The following CAPN15 variants were observed in gnomAD, a reference collection of about 807,000 sequenced individuals.
CAPN15 encodes calpain-15.
CAPN15 carries 53 observed loss-of-function variants against 97.9 expected under a neutral mutation model. The ratio of observed to expected loss-of-function variants is 0.54; its 90% CI spans 0.43 to 0.68. The LOEUF is 0.68. Ranked by LOEUF, CAPN15 falls within the 30% of genes least tolerant of loss-of-function variation. The pLI, the probability that CAPN15 is intolerant of heterozygous loss-of-function variation, is 0.00. For synonymous variants in CAPN15, 922 were observed against 722.5 expected, an observed-to-expected ratio of 1.28 and a Z score of -4.43; for missense variants, 1,592 against 1,589.8, an observed-to-expected ratio of 1.00 and a Z score of -0.02.
Position 547,874 on chromosome 16 carries a change from T to C in CAPN15, c.1036T>C (p.Cys346Arg), listed in dbSNP as rs1370056393. ...PSSPDFTTWS[C>R]AKCTLRNPTV... is the part of the protein sequence containing the mutation. Reference sequence around the variant, plus strand: ...CAGCCCCGACTTCACCACCTGGTCATGTGCCAAGTGCACGCTCAGAAACCC... The same window carrying C: ...CAGCCCCGACTTCACCACCTGGTCACGTGCCAAGTGCACGCTCAGAAACCC... The change falls in exon 4 of 14, where the codon TGT (cysteine) becomes CGT (arginine). Residue 346 changes from cysteine to arginine, a missense_variant. Cys to Arg is a radical substitution (Grantham distance 180, BLOSUM62 -3). This residue lies in a region of CAPN15 where 883 missense variants were observed against 776.6 expected (regional missense o/e 1.14). Coordinates refer to ENST00000219611, the MANE Select transcript of CAPN15 (RefSeq NM_005632.3). 8.1e-6 allele frequency: 13 copies of C among 1,611,430 alleles called. No individual in the cohort carries two copies. The highest frequency in any genetic ancestry group is 2.2e-5 in the East Asian group (1 of 44,804).
Position 549,721 on chromosome 16 carries a change from C to T in CAPN15, c.1949C>T (p.Thr650Met), listed in dbSNP as rs1234051038. ...GGCCGCGCCATCGAAGGCCTGGCCA[C>T]GCTCACCGGCGCCCCCTGTGAGAGC... The part of the protein sequence containing the change: ...QAGRAIEGLA[T>M]LTGAPCESLA... Residue 650 changes from threonine (T) to methionine (M), a missense_variant, in exon 7 of 14, where the codon ACG becomes ATG. Thr to Met is a moderately conservative substitution (Grantham distance 81). Coordinates refer to ENST00000219611, the MANE Select transcript of CAPN15 (RefSeq NM_005632.3). The T allele has an allele frequency of 4.4e-6, 7 of 1,575,300 alleles. No homozygotes were observed. Among genetic ancestry groups the T allele is most frequent in the Middle Eastern group, 1.7e-4 (1 of 5,952 alleles).
In CAPN15 at chr16:547,794, G is replaced by A. The variant is rs1327121096; in HGVS notation, c.956G>A (p.Ser319Asn). 6.2e-7 allele frequency: 1 copy of A among 1,611,866 alleles called. No individual in the cohort carries two copies. Among genetic ancestry groups the A allele is most frequent in the South Asian group, 1.1e-5 (1 of 91,004 alleles). The change falls in exon 4 of 14, where the codon AGT (serine) becomes AAT (asparagine). Residue 319 changes from serine to asparagine, a missense_variant. Physicochemically the swap from Ser to Asn is conservative, Grantham distance 46. This residue lies in a region of CAPN15 where 883 missense variants were observed against 776.6 expected (regional missense o/e 1.14). Coordinates refer to ENST00000219611, the MANE Select transcript of CAPN15 (RefSeq NM_005632.3). ...GAGGCCGGCAGCTCCACCTCGGGCA[G>A]TGACATCATTGACCTGGCCGGAGAC... is the stretch of plus-strand genomic sequence containing the variant. ...RVEAGSSTSG[S>N]DIIDLAGDTV...
At chr16:550,667 G>GGTCGGTGAGGGCCCCCA (rs1487873941) in intron 7 of CAPN15, among the ~76,000 whole-genome samples, 1 of 137,646 alleles carries the variant, frequency 7.3e-6, no homozygotes, top group African/African-American at 2.9e-5. Flanking sequence ...GAGGGTCCCC[G>GGTCGGTGAGGGCCCCCA]GTCGGTGAGG....
chr16:549,515 C>T (rs1263556796), intron 6 of CAPN15, 44 bp downstream of exon 6: 1 of 1,537,942 alleles, frequency 6.5e-7, no homozygotes, highest in African/African-American at 1.4e-5. Context: ...GGGGCAGCCT[C>T]TGACCCCAGC....
In CAPN15 at chr16:536,125, C is replaced by G; in HGVS notation, c.-40C>G. 1 of 980,360 alleles carries G rather than the reference C, an allele frequency of 1.0e-6. No homozygotes were observed. The highest frequency in any genetic ancestry group is 1.8e-5 in the African/African-American group (1 of 56,964). The allele number at this position is 980,360 out of a possible 1,614,324, so 60.7% of individuals were successfully genotyped here. ...CGTGTGCCCAGGCCCTGAGGTGGGC[C>G]GGACCTGGGAGTGGCAGGTGAGCGT... is the stretch of plus-strand genomic sequence containing the variant. On this transcript the variant is annotated 5_prime_UTR_variant, in exon 3 of 14. Coordinates refer to ENST00000219611, the MANE Select transcript of CAPN15 (RefSeq NM_005632.3).
rs772967337 is a variant in CAPN15 at position 547,759 on chromosome 16, C to A, written c.921C>A (p.Thr307=). ...AGGAAGAGGCCACGGAGGGTGGCAC[C>A]AGCCGCGTAGAGGCCGGCAGCTCCA... The part of the protein sequence containing the change: ...VLEEEATEGG[T]SRVEAGSSTS... The change falls in exon 4 of 14, where the codon ACC becomes ACA. Residue 307 remains threonine (T), a synonymous_variant. Transcript: ENST00000219611. 1.9e-6 allele frequency: 3 copies of A among 1,609,162 alleles called. No homozygotes were observed. In the South Asian group the frequency reaches 3.3e-5, roughly 18 times the overall value.
rs765939263 is a variant in CAPN15, at chr16:552,520, T to C, written c.2727T>C (p.Pro909=). 4.4e-6 allele frequency: 7 copies of C among 1,601,568 alleles called. No individual in the cohort carries two copies. Among genetic ancestry groups the C allele is most frequent in the Non-Finnish European group, 5.9e-6 (7 of 1,177,860 alleles). ...NHWGPPLPGT[P]APQASSPSAG... is the part of the protein sequence containing the mutation. The stretch of plus-strand genomic sequence containing the variant: ...GGGGGCCGCCCCTGCCGGGCACCCC[T>C]GCCCCCCAGGGTACGTGGCCCCTAC... Residue 909 remains proline (P), a synonymous_variant, in exon 11 of 14, where the codon CCT becomes CCC. Transcript: ENST00000219611. This position sits in a 1 kb window ranked among gnomAD's most constrained non-coding sequence, Gnocchi z 6.4.
At position 554,193 on chromosome 16, in the gene CAPN15, A is replaced by G. The variant is rs1417836564; in HGVS notation, c.*677A>G. ...TCAGCACCGCTCACTGCTGCCGGGC[A>G]CACTGGGACCAGCAGGCTCCTCAGC... On this transcript the variant is annotated 3_prime_UTR_variant, in exon 14 of 14. Transcript: ENST00000219611. The G allele has an allele frequency of 1.0e-5, 3 of 297,392 alleles. No individual in the cohort carries two copies. Among genetic ancestry groups the G allele is most frequent in the Non-Finnish European group, 2.0e-5 (3 of 150,798 alleles). The allele number at this position is 297,392 out of a possible 1,614,324, so 18.4% of individuals were successfully genotyped here. A position where few individuals can be genotyped will look rare whatever the true frequency, so the allele number is the denominator to read the frequency against.
In CAPN15 at chr16:540,360, C is replaced by T. The variant is rs939283733; in HGVS notation, c.-23+4218C>T. ...GCCGGCAGCACCAGCCCCCACGGCC[C>T]CGGGCCCGAAGGTAAGAGGTGGGGA... On this transcript the variant is annotated intron_variant, in intron 3 of 13. Transcript: ENST00000219611. 4 of 985,406 alleles carry T rather than the reference C, an allele frequency of 4.1e-6. No homozygotes were observed. The African/African-American group carries it at 7.0e-5, about 17-fold the overall frequency. The allele number at this position is 985,406 out of a possible 1,614,324, so 61.0% of individuals were successfully genotyped here.
chr16:533,385 A>T (rs1052197849), intron 1 of CAPN15, among the ~76,000 whole-genome samples: 2 of 152,136 alleles, frequency 1.3e-5, no homozygotes, highest in Non-Finnish European at 2.9e-5. Flanking sequence ...TAGAGAAGCA[A>T]AGCCGCCTGG....
Position 552,922 on chromosome 16 carries a change from G to A in CAPN15, c.2964G>A (p.Val988=), listed in dbSNP as rs745656526. ...ACGGTTGGGCGGGGCTCATCGTGGT[G>A]GTGGAGAACCGACACCCCAAGGCCT... ...LTHGWAGLIV[V]VENRHPKAYL... is the part of the protein sequence containing the mutation. Residue 988 remains valine, a synonymous_variant, in exon 13 of 14, where the codon GTG becomes GTA. Coordinates refer to ENST00000219611, the MANE Select transcript of CAPN15 (RefSeq NM_005632.3). The surrounding 1 kb of genome is among the most constrained non-coding windows in gnomAD (Gnocchi z 6.4). 34 of 1,611,744 alleles carry A rather than the reference G, an allele frequency of 2.1e-5. No homozygotes were observed. Among genetic ancestry groups the A allele is most frequent in the Non-Finnish European group, 2.7e-5 (32 of 1,179,436 alleles).
chr16:545,121 T>C (rs2034496864), intron 3 of CAPN15, among the ~76,000 whole-genome samples: 1 of 151,940 alleles, frequency 6.6e-6, no homozygotes, highest in Non-Finnish European at 1.5e-5. Context: ...AGGTCAAGGC[T>C]GCAGTGAGCC....
intron 3 of CAPN15, chr16:538,066 G>C (rs774396261): frequency 6.6e-6 from 1 of 152,230 alleles, no homozygotes; most frequent in Non-Finnish European, 1.5e-5. Flanking sequence ...TGTTTTGTCT[G>C]TTCCTTTCCA....
intron 3 of CAPN15, among the ~76,000 whole-genome samples, chr16:540,666 G>C (rs1596332558): frequency 6.6e-6 from 1 of 152,196 alleles, no homozygotes; most frequent in Non-Finnish European, 1.5e-5. Context: ...TTTTGGGCTG[G>C]GGTCGCTGGC....
At chr16:553,080 GC>G (rs2035222717) in intron 13 of CAPN15, 39 bp downstream of exon 13, 3 of 1,163,504 alleles carry the variant, frequency 2.6e-6, no homozygotes, top group East Asian at 5.9e-5. Context: ...CTGCACAGGT[GC>G]CCCCTCCCCT....
intron 3 of CAPN15, chr16:538,869 A>T: frequency 7.5e-6 from 1 of 134,118 alleles, no homozygotes; most frequent in African/African-American, 2.9e-5. Flanking sequence ...CTGGAACTGC[A>T]CCCCCACCCC....
At position 552,132 on chromosome 16, in the gene CAPN15, C is replaced by T. The variant is rs754081772; in HGVS notation, c.2427C>T (p.Ala809=). 1.6e-5 allele frequency: 24 copies of T among 1,548,028 alleles called. No homozygotes were observed. The South Asian group carries it at 2.5e-4, about 16-fold the overall frequency. The part of the protein sequence containing the change: ...ARVQGCFPSS[A]SAPVGVTALT... ...TGCAGGGCTGCTTTCCCAGCTCGGC[C>T]AGCGCGCCCGTGGGGGTAACAGCGC... Residue 809 remains alanine, a synonymous_variant, in exon 10 of 14, where the codon GCC becomes GCT. Coordinates refer to ENST00000219611, the MANE Select transcript of CAPN15 (RefSeq NM_005632.3). The surrounding 1 kb of genome is among the most constrained non-coding windows in gnomAD (Gnocchi z 6.4).
chr16:539,145 C>A (rs539129159), intron 3 of CAPN15: 1 of 152,352 alleles, frequency 6.6e-6, no homozygotes, highest in Non-Finnish European at 1.5e-5. Flanking sequence ...TGATCCCCCA[C>A]GCACGGCAGC....
chr16:543,933 G>T (rs1013062333), intron 3 of CAPN15, among the ~76,000 whole-genome samples: 1 of 152,196 alleles, frequency 6.6e-6, no homozygotes, highest in African/African-American at 2.4e-5. Flanking sequence ...GGATGAAGGG[G>T]TGGTGCACAG....
Sources: gnomAD v4.1 joint callset for allele counts (sites outside exome capture counted in the v4.1 genomes callset) on GRCh38, gnomAD v4.1.1 for gene constraint, gnomAD v4.1.1 regional missense constraint, Gnocchi (gnomAD v3.1) non-coding constraint, MANE v1.5 for transcripts, NCBI Gene and HGNC (gene_info 2026-07-23, HGNC 2026-07-21) for gene names.